Variants in ATP2B2 observed in about 807,000 individuals in gnomAD.
ATP2B2 encodes the protein plasma membrane calcium-transporting ATPase 2.
Under a neutral mutation model 120.0 loss-of-function variants are expected in ATP2B2, and 15 were observed. That is an observed-to-expected ratio of 0.12 (90% CI 0.08 to 0.19). The LOEUF is 0.19. Among genes scored for constraint, ATP2B2 ranks in the 10% least tolerant of loss-of-function variants. The pLI is 1.00. For missense variants in ATP2B2, 1,045 were observed against 1,719.8 expected (o/e 0.61, Z 6.94); for synonymous variants, 694 against 700.3 (o/e 0.99, Z 0.14).
intron 2 of ATP2B2, among the ~76,000 whole-genome samples, chr3:10,554,378 T>G (rs2067734690): frequency 6.6e-6 from 1 of 151,970 alleles, no homozygotes. Flanking sequence ...CAAAGGGAAA[T>G]GAGGGTGCAG....
intron 1 of ATP2B2, among the ~76,000 whole-genome samples, chr3:10,621,032 T>TCTCA (rs752960731): frequency 1.9e-4 from 29 of 152,274 alleles, no homozygotes; most frequent in Non-Finnish European, 3.4e-4. Flanking sequence ...GACCATGAGA[T>TCTCA]GACACCGGGC....
intron 2 of ATP2B2, 93 bp downstream of exon 2, chr3:10,449,252 C>T: frequency 7.3e-7 from 1 of 1,378,080 alleles, no homozygotes; most frequent in East Asian, 2.4e-5. Flanking sequence ...CTGACACATC[C>T]CTGCTGTTAC....
chr3:10,585,721 C>G (rs2068495595), intron 2 of ATP2B2, among the ~76,000 whole-genome samples: 1 of 152,088 alleles, frequency 6.6e-6, no homozygotes, highest in South Asian at 2.1e-4. Flanking sequence ...GTGTCTACCT[C>G]CCTCTGTGAT....
chr3:10,496,239 A>G (rs147366119), intron 1 of ATP2B2, among the ~76,000 whole-genome samples: 2,372 of 152,290 alleles, frequency 0.016, 35 homozygotes, highest in Admixed American at 0.029. Context: ...TCCCAAATCC[A>G]CATAACAGAG....
intron 12 of ATP2B2, among the ~76,000 whole-genome samples, chr3:10,362,958 C>T (rs2060943943): frequency 6.6e-6 from 1 of 151,964 alleles, no homozygotes; most frequent in African/African-American, 2.4e-5. Flanking sequence ...TTTTCCATAA[C>T]AGTTTTTTCT....
At chr3:10,618,531 A>G (rs1230815027) in intron 2 of ATP2B2, among the ~76,000 whole-genome samples, 2 of 152,212 alleles carry the variant, frequency 1.3e-5, no homozygotes. Flanking sequence ...GAAAATTATC[A>G]TGCTTTGGGT....
At chr3:10,580,489 A>C (rs2068363661) in intron 2 of ATP2B2, among the ~76,000 whole-genome samples, 1 of 152,100 alleles carries the variant, frequency 6.6e-6, no homozygotes, top group Non-Finnish European at 1.5e-5. Flanking sequence ...GTGGCGTGTA[A>C]GGTCAGCTTG....
chr3:10,484,615 A>T (rs2065560437), intron 1 of ATP2B2, among the ~76,000 whole-genome samples: 1 of 152,010 alleles, frequency 6.6e-6, no homozygotes, highest in South Asian at 2.1e-4. Context: ...TGGTCTCTGC[A>T]CGTCCCAGCC....
intron 1 of ATP2B2, among the ~76,000 whole-genome samples, chr3:10,484,856 G>A (rs141738843): frequency 1.3e-5 from 2 of 152,348 alleles, no homozygotes; most frequent in East Asian, 3.9e-4. Context: ...CTGCATCTGG[G>A]TACCAGCTCA....
chr3:10,344,907 G>C (rs1321639847), intron 18 of ATP2B2, among the ~76,000 whole-genome samples: 5 of 152,136 alleles, frequency 3.3e-5, no homozygotes, highest in Non-Finnish European at 7.4e-5. Context: ...ACTCCCTCCA[G>C]TTATCCCCAC....
At chr3:10,628,813 G>C (rs2069780967) in intron 1 of ATP2B2, among the ~76,000 whole-genome samples, 1 of 152,222 alleles carries the variant, frequency 6.6e-6, no homozygotes, top group Non-Finnish European at 1.5e-5. Flanking sequence ...TGTGGGTGCT[G>C]AATTGTCAAG....
At chr3:10,600,277 G>C (rs1019539380) in intron 2 of ATP2B2, among the ~76,000 whole-genome samples, 5 of 152,196 alleles carry the variant, frequency 3.3e-5, no homozygotes, top group African/African-American at 1.2e-4. Context: ...AGGAGAGCTG[G>C]CACCTTACAG....
At chr3:10,595,056 G>GC (rs1366372025) in intron 2 of ATP2B2, among the ~76,000 whole-genome samples, 1 of 152,222 alleles carries the variant, frequency 6.6e-6, no homozygotes, top group Non-Finnish European at 1.5e-5. Flanking sequence ...TATTTCGGGA[G>GC]CCCCCAGCTG....
At chr3:10,528,452 T>C (rs1007941432) in intron 3 of ATP2B2, among the ~76,000 whole-genome samples, 4 of 152,182 alleles carry the variant, frequency 2.6e-5, no homozygotes, top group African/African-American at 7.2e-5. Context: ...GCTTGTGCCC[T>C]ATAATGTGCC....
chr3:10,673,083 C>T (rs2071151932), intron 1 of ATP2B2, among the ~76,000 whole-genome samples: 1 of 152,138 alleles, frequency 6.6e-6, no homozygotes, highest in African/African-American at 2.4e-5. Context: ...TAGTAATGTC[C>T]ATGCTTAGGA....
chr3:10,637,212 C>T (rs1408658226), intron 1 of ATP2B2, among the ~76,000 whole-genome samples: 2 of 152,046 alleles, frequency 1.3e-5, no homozygotes, highest in Admixed American at 6.5e-5. Flanking sequence ...TCAAGAATAT[C>T]GATAAGATTA....
intron 2 of ATP2B2, among the ~76,000 whole-genome samples, chr3:10,413,286 C>G (rs1273048159): frequency 6.6e-6 from 1 of 152,244 alleles, no homozygotes; most frequent in African/African-American, 2.4e-5. Flanking sequence ...TCCTCAGATG[C>G]TGACCATGAG....
At chr3:10,599,247 C>T (rs1207622873) in intron 2 of ATP2B2, among the ~76,000 whole-genome samples, 3 of 152,232 alleles carry the variant, frequency 2.0e-5, no homozygotes, top group Admixed American at 6.5e-5. Flanking sequence ...GTGGGTTTGA[C>T]AGGTCTCCGC....
At chr3:10,601,236 C>A (rs1221156938) in intron 2 of ATP2B2, among the ~76,000 whole-genome samples, 2 of 152,164 alleles carry the variant, frequency 1.3e-5, no homozygotes, top group African/African-American at 4.8e-5. Flanking sequence ...TGGTGCCCAG[C>A]GTGAGCCAGG....
Sources: gnomAD v4.1 joint callset for allele counts (sites outside exome capture counted in the v4.1 genomes callset) on GRCh38, gnomAD v4.1.1 for gene constraint, MANE v1.5 for transcripts, NCBI Gene and HGNC (gene_info 2026-07-23, HGNC 2026-07-21) for gene names.